The following AGBL4 variants were observed in gnomAD, a reference collection of about 807,000 sequenced individuals.
AGBL4 encodes the protein cytosolic carboxypeptidase 6.
In AGBL4, 58 loss-of-function variants were observed where a neutral mutation model predicts 66.4. That is an observed-to-expected ratio of 0.87 (90% CI 0.71 to 1.09). The LOEUF (loss-of-function observed/expected upper bound fraction) is 1.09, where lower values mean the gene tolerates loss of function less well. Ranked by LOEUF, AGBL4 falls within the 50% of genes least tolerant of loss-of-function variation. AGBL4 has a pLI of 0.00. For missense variants in AGBL4, 579 were observed against 631.0 expected (o/e 0.92, Z 0.88); for synonymous variants, 234 against 222.9 (o/e 1.05, Z -0.44).
intron 6 of AGBL4, among the ~76,000 whole-genome samples, chr1:48,755,445 C>T (rs1652395734): frequency 6.6e-6 from 1 of 152,204 alleles, no homozygotes; most frequent in African/African-American, 2.4e-5. Flanking sequence ...GAGCTAGGCC[C>T]CTAGCTGAGG....
intron 11 of AGBL4, 182 bp downstream of exon 11, chr1:48,586,822 T>C: frequency 1.4e-6 from 1 of 727,032 alleles, no homozygotes; most frequent in South Asian, 1.9e-5. Flanking sequence ...GGTAGGAGTA[T>C]CATACTAAGG....
chr1:48,709,220 G>A (rs529922013), intron 6 of AGBL4, among the ~76,000 whole-genome samples: 1 of 152,148 alleles, frequency 6.6e-6, no homozygotes, highest in Non-Finnish European at 1.5e-5. Context: ...GAAGTTCAAC[G>A]AAATGCCTAT....
At chr1:49,439,545 G>A (rs1645978319) in intron 3 of AGBL4, among the ~76,000 whole-genome samples, 1 of 152,140 alleles carries the variant, frequency 6.6e-6, no homozygotes, top group Non-Finnish European at 1.5e-5. Context: ...TTAGATTGAA[G>A]GATGCGAAGT....
chr1:49,067,859 A>G (rs1644519580), intron 4 of AGBL4, among the ~76,000 whole-genome samples: 1 of 151,944 alleles, frequency 6.6e-6, no homozygotes, highest in Non-Finnish European at 1.5e-5. Flanking sequence ...TGCACCCATC[A>G]ACTCATCATT....
At chr1:49,333,899 C>A (rs1299718013) in intron 3 of AGBL4, among the ~76,000 whole-genome samples, 1 of 152,016 alleles carries the variant, frequency 6.6e-6, no homozygotes, top group Non-Finnish European at 1.5e-5. Context: ...TAAAATCTGC[C>A]CCCAGAGAAC....
At chr1:48,872,336 TC>T (rs1291564887) in intron 5 of AGBL4, among the ~76,000 whole-genome samples, 5 of 152,238 alleles carry the variant, frequency 3.3e-5, no homozygotes, top group African/African-American at 7.2e-5. Flanking sequence ...CCAGGCTGCA[TC>T]TTTGTTTTGA....
intron 1 of AGBL4, chr1:49,994,906 A>T (rs1231574107): frequency 1.4e-5 from 5 of 352,710 alleles, no homozygotes. Context: ...AGAAGGATTT[A>T]ACCTTTCCTG....
At chr1:49,235,105 A>G (rs1650615171) in intron 4 of AGBL4, among the ~76,000 whole-genome samples, 1 of 152,210 alleles carries the variant, frequency 6.6e-6, no homozygotes, top group Non-Finnish European at 1.5e-5. Context: ...TGGAATATTT[A>G]GACAAATACT....
rs1185912885 is a variant in AGBL4 at position 49,647,064 on chromosome 1, AAAT to A, written c.282+50246_282+50248del. On this transcript the variant is annotated intron_variant, in intron 3 of 13. Transcript: ENST00000371839. ...AACATATACCTAAATGTAAAACCTG[AAAT>A]TATAAAGACTTTAGAAAACACAGAA... Among the ~76,000 whole-genome samples the A allele has an allele frequency of 2.0e-5, 3 of 152,172 alleles. No homozygotes were observed. The East Asian group carries it at 5.8e-4, about 29-fold the overall frequency.
At position 48,653,401 on chromosome 1, in the gene AGBL4, C is replaced by T. The variant is rs1417831575; in HGVS notation, c.775G>A (p.Glu259Lys). The change falls in exon 8 of 14, where the codon GAA (glutamate) becomes AAA (lysine). Residue 259 changes from glutamate to lysine, a missense_variant. By Grantham distance (56) the Glu-to-Lys change is moderately conservative. Transcript: ENST00000371839. ...SQHPIACVLR[E>K]YLVFKIAPML... is the part of the protein sequence containing the mutation. ...GGTGCGATCTTGAAGACCAGGTATT[C>T]CCGGAGGACACAGGCAATAGGGTGC... 3.1e-6 allele frequency: 5 copies of T among 1,589,646 alleles called. No homozygotes were observed. Among genetic ancestry groups the T allele is most frequent in the Non-Finnish European group, 2.6e-6 (3 of 1,167,448 alleles).
In AGBL4 at chr1:48,535,053, T is replaced by C. The variant is rs1643946679; in HGVS notation, c.1365-137A>G. On this transcript the variant is annotated intron_variant, in intron 12 of 13. Transcript: ENST00000371839. ...GGAGCATAGGACGTAAGTATGTTTT[T>C]ATGGGGAAAAAGAAGAGGGAAGCCC... 5 of 841,234 alleles carry C rather than the reference T, an allele frequency of 5.9e-6. No individual in the cohort carries two copies. The African/African-American group carries it at 6.9e-5, about 12-fold the overall frequency. 52.1% of individuals were successfully genotyped at this position (841,234 alleles called of 1,614,324 possible). A position where few individuals can be genotyped will look rare whatever the true frequency, so the allele number is the denominator to read the frequency against.
At chr1:48,767,255 G>A (rs1473543596) in intron 6 of AGBL4, among the ~76,000 whole-genome samples, 3 of 152,158 alleles carry the variant, frequency 2.0e-5, no homozygotes, top group East Asian at 1.9e-4. Flanking sequence ...CCAGTGAAGT[G>A]GGGATAATAA....
chr1:49,218,147 G>A (rs1370871618), intron 4 of AGBL4, among the ~76,000 whole-genome samples: 1 of 152,088 alleles, frequency 6.6e-6, no homozygotes, highest in African/African-American at 2.4e-5. Context: ...AAACTAAGGA[G>A]TCACTTGTGA....
chr1:49,658,658 C>T (rs1351367974), intron 3 of AGBL4, among the ~76,000 whole-genome samples: 1 of 152,162 alleles, frequency 6.6e-6, no homozygotes, highest in South Asian at 2.1e-4. Context: ...CACATATACA[C>T]CATGGAATAC....
chr1:49,103,510 C>T (rs1163420950), intron 4 of AGBL4, among the ~76,000 whole-genome samples: 2 of 152,198 alleles, frequency 1.3e-5, no homozygotes, highest in African/African-American at 4.8e-5. Flanking sequence ...CCCAAATGCA[C>T]ATGAGACTGC....
chr1:48,728,911 C>T (rs1647643969), intron 6 of AGBL4, among the ~76,000 whole-genome samples: 1 of 152,202 alleles, frequency 6.6e-6, no homozygotes, highest in African/African-American at 2.4e-5. Flanking sequence ...TAGTGTCTCA[C>T]TGCTGTGATT....
chr1:49,087,695 C>G (rs570184577), intron 4 of AGBL4, among the ~76,000 whole-genome samples: 2 of 152,240 alleles, frequency 1.3e-5, no homozygotes, highest in South Asian at 4.1e-4. Context: ...TTTCCCTAAC[C>G]TCACTAGGCA....
intron 4 of AGBL4, among the ~76,000 whole-genome samples, chr1:49,088,366 A>G (rs1215633446): frequency 6.6e-6 from 1 of 152,188 alleles, no homozygotes; most frequent in Non-Finnish European, 1.5e-5. Flanking sequence ...ATATGCAATA[A>G]CACCCATAGC....
intron 6 of AGBL4, among the ~76,000 whole-genome samples, chr1:48,733,443 G>A (rs1648482088): frequency 1.3e-5 from 2 of 152,186 alleles, no homozygotes; most frequent in South Asian, 4.1e-4. Context: ...TTTCCTCTGT[G>A]AAAGAAGAGA....
Sources: allele counts gnomAD v4.1 joint callset (sites outside exome capture counted in the v4.1 genomes callset), GRCh38; gene constraint gnomAD v4.1.1; transcripts MANE v1.5; gene names NCBI Gene and HGNC (gene_info 2026-07-23, HGNC 2026-07-21).